Variants in CACNA1H observed in about 807,000 individuals in gnomAD.
CACNA1H encodes the protein voltage-dependent T-type calcium channel subunit alpha-1H.
Under a neutral mutation model 192.5 loss-of-function variants are expected in CACNA1H, and 149 were observed. The observed-to-expected ratio is 0.77, with a 90% confidence interval of 0.68 to 0.89. The LOEUF is 0.89. CACNA1H is among the 40% of genes least tolerant of loss of function. The probability of loss-of-function intolerance (pLI) is 0.00; values close to 1 mark genes in which losing one functional copy is unlikely to be tolerated. For synonymous variants in CACNA1H, 2,202 were observed against 1,475.2 expected (o/e 1.49, Z -11.29); for missense variants, 4,257 against 3,423.5 (o/e 1.24, Z -6.08).
In CACNA1H at chr16:1,206,516, G is replaced by C. The variant is rs1037363128; in HGVS notation, c.2789+227G>C. 157 of 559,522 alleles carry C rather than the reference G, an allele frequency of 2.8e-4. 3 individuals carry two copies. The East Asian group carries it at 4.7e-3, about 17-fold the overall frequency. The allele number at this position is 559,522 out of a possible 1,614,324, so 34.7% of individuals were successfully genotyped here. A position where few individuals can be genotyped will look rare whatever the true frequency, so the allele number is the denominator to read the frequency against. On this transcript the variant is annotated intron_variant, in intron 12 of 34. Coordinates refer to ENST00000348261, the MANE Select transcript of CACNA1H (RefSeq NM_021098.3). ...GTCAGATGGCAGGGGTCAGAGATGG[G>C]CCGCCAGGTGGACAAGCTGGGGATT... is the stretch of plus-strand genomic sequence containing the variant.
intron 27 of CACNA1H, among the ~76,000 whole-genome samples, chr16:1,214,151 C>T (rs1020404783): frequency 2.0e-5 from 3 of 152,088 alleles, no homozygotes; most frequent in African/African-American, 7.2e-5. Flanking sequence ...AGTGTCCCAC[C>T]CAAGGAGGGG....
At position 1,213,680 on chromosome 16, in the gene CACNA1H, C is replaced by T. The variant is rs970477803; in HGVS notation, c.4778-100C>T. 51 of 890,798 alleles carry T rather than the reference C, an allele frequency of 5.7e-5. No individual in the cohort carries two copies. The East Asian group carries it at 9.3e-4, about 16-fold the overall frequency. The allele number at this position is 890,798 out of a possible 1,614,324, so 55.2% of individuals were successfully genotyped here. ...CACATGAGCCGTGGGCCCCCAACTT[C>T]TACCCTACACTTGGCCACCTAGGAG... On this transcript the variant is annotated intron_variant, in intron 26 of 34. Coordinates refer to ENST00000348261, the MANE Select transcript of CACNA1H (RefSeq NM_021098.3).
chr16:1,218,765 G>A lies in CACNA1H; in HGVS notation c.5887+114G>A, dbSNP rs535834173. The stretch of plus-strand genomic sequence containing the variant: ...CCAGAGCAGGGCAAGAGGAAGGATG[G>A]GCGGGAAGGAGGATGGGGGCAGGCA... On this transcript the variant is annotated intron_variant, in intron 33 of 34. Transcript: ENST00000348261. 127 of 1,211,448 alleles carry A rather than the reference G, an allele frequency of 1.0e-4. 1 individual carries two copies. In the African/African-American group the frequency reaches 1.7e-3, roughly 17 times the overall value. The allele number at this position is 1,211,448 out of a possible 1,614,324, so 75.0% of individuals were successfully genotyped here. A position where few individuals can be genotyped will look rare whatever the true frequency, so the allele number is the denominator to read the frequency against.
Position 1,198,501 on chromosome 16 carries a change from C to G in CACNA1H, c.644-114C>G, listed in dbSNP as rs557437659. The G allele has an allele frequency of 9.9e-5, 111 of 1,116,842 alleles. No homozygotes were observed. The African/African-American group carries it at 1.6e-3, about 16-fold the overall frequency. The allele number at this position is 1,116,842 out of a possible 1,614,324, so 69.2% of individuals were successfully genotyped here. On this transcript the variant is annotated intron_variant, in intron 5 of 34. Transcript: ENST00000348261. ...GTGGCCCGAGTCAGTGTGCAGTGGG[C>G]GTGGACACCCACTGTGAACAGTGGA... is the stretch of plus-strand genomic sequence containing the variant.
At position 1,218,051 on chromosome 16, in the gene CACNA1H, C is replaced by T. The variant is rs766259561; in HGVS notation, c.5445+11C>T. The T allele has an allele frequency of 1.1e-5, 18 of 1,595,350 alleles. No homozygotes were observed. The highest frequency in any genetic ancestry group is 1.7e-4 in the Middle Eastern group (1 of 6,050). On this transcript the variant is annotated intron_variant, in intron 32 of 34. Transcript: ENST00000348261. ...AACGGGATCATGAAGGTACCCGCCG[C>T]GGCCATGCCTCTGGCACCTGGCAGC...
At chr16:1,174,161 G>C (rs1964638720) in intron 2 of CACNA1H, among the ~76,000 whole-genome samples, 1 of 152,144 alleles carries the variant, frequency 6.6e-6, no homozygotes, top group Non-Finnish European at 1.5e-5. Context: ...CTGAAGCAGA[G>C]AGTCTCCAAG....
intron 2 of CACNA1H, among the ~76,000 whole-genome samples, chr16:1,162,843 A>T (rs1963359783): frequency 6.6e-6 from 1 of 152,100 alleles, no homozygotes. Flanking sequence ...AGGGGGTGGG[A>T]TAGTCCCAGG....
chr16:1,163,060 T>G (rs1963386436), intron 2 of CACNA1H, among the ~76,000 whole-genome samples: 1 of 152,226 alleles, frequency 6.6e-6, no homozygotes, highest in East Asian at 1.9e-4. Context: ...GTGTTTGCTG[T>G]GTGTCCCTCA....
In CACNA1H at chr16:1,185,372, C is replaced by CTCACCCACCG. The variant is rs1965883433; in HGVS notation, c.300-9600_300-9599insTCACCCACCG. Among the ~76,000 whole-genome samples, 7 of 152,074 alleles carry CTCACCCACCG rather than the reference C, an allele frequency of 4.6e-5. No individual in the cohort carries two copies. The South Asian group carries it at 1.5e-3, about 32-fold the overall frequency. On this transcript the variant is annotated intron_variant, in intron 2 of 34. Coordinates refer to ENST00000348261, the MANE Select transcript of CACNA1H (RefSeq NM_021098.3). Reference sequence around the variant, plus strand: ...TTGTCCCTGGTGTAGGCAGGATTGGCGTTCATAGCCTCACCCACCGGTTAT... The same window carrying CTCACCCACCG: ...TTGTCCCTGGTGTAGGCAGGATTGGCTCACCCACCGGTTCATAGCCTCACCCACCGGTTAT...
At chr16:1,191,065 C>T (rs1395279708) in intron 2 of CACNA1H, among the ~76,000 whole-genome samples, 2 of 129,444 alleles carry the variant, frequency 1.5e-5, no homozygotes, top group Non-Finnish European at 3.2e-5. Flanking sequence ...GGCTGTGTGG[C>T]CTCAGGCACA....
intron 5 of CACNA1H, 87 bp from the exon 6 acceptor site, chr16:1,198,528 G>C: frequency 6.8e-7 from 1 of 1,464,108 alleles, no homozygotes; most frequent in African/African-American, 1.4e-5. Flanking sequence ...AACAGTGGAC[G>C]GGGCTCGGGG....
At chr16:1,164,048 C>T (rs1236037864) in intron 2 of CACNA1H, among the ~76,000 whole-genome samples, 1 of 152,180 alleles carries the variant, frequency 6.6e-6, no homozygotes, top group African/African-American at 2.4e-5. Context: ...GGGTGTGAGA[C>T]TGCCTGGCCG....
In CACNA1H at chr16:1,202,151, C is replaced by T. The variant is rs763608019; in HGVS notation, c.1701C>T (p.Pro567=). The change falls in exon 9 of 35, where the codon CCC becomes CCT. Residue 567 remains proline, a synonymous_variant. Transcript: ENST00000348261. ...CACCTTCCCCAGGCCGCGGACCCCC[C>T]GACGCAGAGTCTGTGCACAGCATCT... ...PSPPSPGRGP[P]DAESVHSIYH... is the part of the protein sequence containing the mutation. 2.8e-5 allele frequency: 44 copies of T among 1,550,112 alleles called. No homozygotes were observed. Among genetic ancestry groups the T allele is most frequent in the African/African-American group, 8.2e-5 (6 of 73,048 alleles).
chr16:1,189,397 CTTTTTTTTTTTTTTTTTTT>C (rs3990780), intron 2 of CACNA1H, among the ~76,000 whole-genome samples: 1,005 of 45,034 alleles, frequency 0.022, 41 homozygotes, highest in African/African-American at 0.052. Flanking sequence ...GAAGAGTGTC[CTTTTTTTTTTTTTTTTTTT>C]TTTTTTTTTT....
rs1967031509 is a variant in CACNA1H at position 1,196,794 on chromosome 16, G to A, written c.643+771G>A. ...TTTGGGAAACATCCTGTCAAATCCG[G>A]GCCACCCACCTGCATCAGGGGATGG... On this transcript the variant is annotated intron_variant, in intron 5 of 34. Transcript: ENST00000348261. Among the ~76,000 whole-genome samples the A allele has an allele frequency of 1.3e-5, 2 of 152,104 alleles. 1 individual carries two copies. Among genetic ancestry groups the A allele is most frequent in the South Asian group, 4.1e-4 (2 of 4,822 alleles).
chr16:1,194,372 T>C (rs1847619802), intron 2 of CACNA1H, among the ~76,000 whole-genome samples: 1 of 152,148 alleles, frequency 6.6e-6, no homozygotes. Context: ...AGCTGACGGA[T>C]TGCCTCTCCC....
chr16:1,210,350 A>ACCCCCCCCCCCCCCCCCCCC lies in CACNA1H; in HGVS notation c.3846-17_3846-16insCCCCCCCCCCCCCCCCCCCC. The ACCCCCCCCCCCCCCCCCCCC allele has an allele frequency of 3.2e-6, 1 of 313,944 alleles. No homozygotes were observed. The highest frequency in any genetic ancestry group is 4.6e-6 in the Non-Finnish European group (1 of 215,954). The allele number at this position is 313,944 out of a possible 1,614,324, so 19.4% of individuals were successfully genotyped here. A position where few individuals can be genotyped will look rare whatever the true frequency, so the allele number is the denominator to read the frequency against. ...TCCACGCCGCCCCGCCCCACCTCTC[A>ACCCCCCCCCCCCCCCCCCCC]CCCGCCCCCGCCCACCCAGGTTCCG... is the stretch of plus-strand genomic sequence containing the variant. On this transcript the variant is annotated intron_variant, in intron 18 of 34. Coordinates refer to ENST00000348261, the MANE Select transcript of CACNA1H (RefSeq NM_021098.3).
At position 1,211,818 on chromosome 16, in the gene CACNA1H, G is replaced by A. The variant is rs778087118; in HGVS notation, c.4566+13G>A. ...TGTCGACCAGCAGGTGCGCACAGGCGGGTCGAGCTGGGTCACCTCAGGGTC... is the reference window on the plus strand; with the variant it reads ...TGTCGACCAGCAGGTGCGCACAGGCAGGTCGAGCTGGGTCACCTCAGGGTC... On this transcript the variant is annotated intron_variant, in intron 24 of 34. Transcript: ENST00000348261. The A allele has an allele frequency of 4.3e-6, 7 of 1,611,456 alleles. No individual in the cohort carries two copies. Among genetic ancestry groups the A allele is most frequent in the East Asian group, 2.2e-5 (1 of 44,874 alleles).
intron 2 of CACNA1H, among the ~76,000 whole-genome samples, chr16:1,177,085 C>G (rs531228013): frequency 2.9e-4 from 44 of 152,302 alleles, no homozygotes; most frequent in African/African-American, 1.0e-3. Flanking sequence ...CCCCAAAGGT[C>G]ACTGACTTCA....
Sources: gnomAD v4.1 joint callset for allele counts (sites outside exome capture counted in the v4.1 genomes callset) on GRCh38, gnomAD v4.1.1 for gene constraint, MANE v1.5 for transcripts, NCBI Gene and HGNC (gene_info 2026-07-23, HGNC 2026-07-21) for gene names.